TAF1A: variants seen among roughly 807,000 people sequenced by gnomAD.
TAF1A encodes TATA-box binding protein associated factor, RNA polymerase I subunit A, also known as TATA box-binding protein-associated factor RNA polymerase I subunit A.
A neutral mutation model predicts 61.6 loss-of-function variants in TAF1A; 42 were observed. That is an observed-to-expected ratio of 0.68 (90% CI 0.53 to 0.88). TAF1A has a LOEUF of 0.88. Ranked by LOEUF, TAF1A falls within the 40% of genes least tolerant of loss-of-function variation. TAF1A has a pLI of 0.00. For synonymous variants in TAF1A, 179 were observed against 177.7 expected (o/e 1.01, Z -0.06); for missense variants, 424 against 518.7 (o/e 0.82, Z 1.77).
intron 2 of TAF1A, among the ~76,000 whole-genome samples, chr1:222,585,318 G>A (rs1350331765): frequency 1.3e-5 from 2 of 151,972 alleles, no homozygotes; most frequent in Non-Finnish European, 2.9e-5. Flanking sequence ...ACTTACTTAT[G>A]TGACTAAGGT....
chr1:222,584,812 C>T (rs1660947077), intron 2 of TAF1A, among the ~76,000 whole-genome samples: 1 of 152,162 alleles, frequency 6.6e-6, no homozygotes. Flanking sequence ...AAAGTATTGG[C>T]AATCCCAATG....
chr1:222,584,317 G>C lies in TAF1A; in HGVS notation c.122-20C>G. The stretch of plus-strand genomic sequence containing the variant: ...CAATGGCTATAAAAACGAAAAAGAA[G>C]AGAGTTTTTATCCAAGTGGCTCCAG... On this transcript the variant is annotated intron_variant, in intron 2 of 10. Coordinates refer to ENST00000352967, the MANE Select transcript of TAF1A (RefSeq NM_005681.4). The C allele has an allele frequency of 6.4e-7, 1 of 1,567,472 alleles. No homozygotes were observed. The highest frequency in any genetic ancestry group is 8.6e-7 in the Non-Finnish European group (1 of 1,164,954).
At chr1:222,558,878 A>C in intron 10 of TAF1A, 106 bp from the exon 11 acceptor site, 1 of 486,472 alleles carries the variant, frequency 2.1e-6, no homozygotes, top group Non-Finnish European at 3.7e-6. Flanking sequence ...AATGATTATG[A>C]AAATAGATTT....
intron 10 of TAF1A, among the ~76,000 whole-genome samples, chr1:222,560,088 T>C (rs1316169630): frequency 6.6e-6 from 1 of 152,002 alleles, no homozygotes; most frequent in Non-Finnish European, 1.5e-5. Context: ...CAAGGAGAAA[T>C]GGGCCTGGCT....
downstream of TAF1A, among the ~76,000 whole-genome samples, chr1:222,555,349 T>C (rs1659713467): frequency 1.3e-5 from 2 of 152,190 alleles, no homozygotes; most frequent in Admixed American, 6.5e-5. Flanking sequence ...TGAATAAAGA[T>C]AGGGTTTATA....
At chr1:222,568,036 AC>A (rs1660182877) in intron 7 of TAF1A, among the ~76,000 whole-genome samples, 1 of 152,280 alleles carries the variant, frequency 6.6e-6, no homozygotes, top group Non-Finnish European at 1.5e-5. Context: ...TTCCAAATGT[AC>A]TAAATGGAGA....
At chr1:222,576,915 G>A (rs939802131) in intron 5 of TAF1A, among the ~76,000 whole-genome samples, 1 of 152,132 alleles carries the variant, frequency 6.6e-6, no homozygotes, top group African/African-American at 2.4e-5. Context: ...CTCAAACTTG[G>A]CCAATAAATA....
At chr1:222,575,599 T>C (rs570791633) in intron 5 of TAF1A, among the ~76,000 whole-genome samples, 9 of 152,276 alleles carry the variant, frequency 5.9e-5, no homozygotes, top group South Asian at 4.1e-4. Flanking sequence ...AGTCACCAAG[T>C]GCATCAATCC....
At chr1:222,571,628 C>A (rs1660355413) in intron 5 of TAF1A, among the ~76,000 whole-genome samples, 1 of 151,520 alleles carries the variant, frequency 6.6e-6, no homozygotes, top group Non-Finnish European at 1.5e-5. Flanking sequence ...ATGCCATTTG[C>A]AAAAGCATCA....
At chr1:222,585,907 A>C (rs1389229980) in intron 2 of TAF1A, among the ~76,000 whole-genome samples, 1 of 152,200 alleles carries the variant, frequency 6.6e-6, no homozygotes, top group Non-Finnish European at 1.5e-5. Flanking sequence ...ATAGTCATTT[A>C]AAAATACCAA....
intron 10 of TAF1A, 65 bp downstream of exon 10, chr1:222,561,299 C>A (rs959266762): frequency 1.5e-4 from 231 of 1,500,968 alleles, no homozygotes; most frequent in Non-Finnish European, 2.0e-4. Flanking sequence ...TAAATGAAGG[C>A]CATACTTCAT....
At chr1:222,556,089 G>C (rs1659721698), downstream of TAF1A, among the ~76,000 whole-genome samples, 1 of 152,066 alleles carries the variant, frequency 6.6e-6, no homozygotes, top group African/African-American at 2.4e-5. Flanking sequence ...AGGTGTAAGA[G>C]TACATCTGGT....
chr1:222,557,345 T>G (rs1452055310), downstream of TAF1A, among the ~76,000 whole-genome samples: 1 of 152,188 alleles, frequency 6.6e-6, no homozygotes, highest in Non-Finnish European at 1.5e-5. Flanking sequence ...GTTTTCCCCA[T>G]GGGTTTACTG....
intron 5 of TAF1A, among the ~76,000 whole-genome samples, chr1:222,576,930 A>G (rs1040807901): frequency 1.3e-5 from 2 of 152,166 alleles, no homozygotes; most frequent in Non-Finnish European, 2.9e-5. Context: ...TAAATACTTG[A>G]ACATAGTTTC....
intron 5 of TAF1A, among the ~76,000 whole-genome samples, chr1:222,575,826 G>C (rs939233820): frequency 6.6e-6 from 1 of 152,156 alleles, no homozygotes; most frequent in Non-Finnish European, 1.5e-5. Flanking sequence ...GAAAGGTACT[G>C]AACCATCTAT....
At chr1:222,574,000 T>G (rs937333682) in intron 5 of TAF1A, among the ~76,000 whole-genome samples, 31 of 138,574 alleles carry the variant, frequency 2.2e-4, no homozygotes, top group Non-Finnish European at 3.5e-4. Context: ...AAAAAAAAAA[T>G]TATGCTAAGT....
chr1:222,566,287 C>T (rs1571800971), intron 7 of TAF1A, among the ~76,000 whole-genome samples: 1 of 152,198 alleles, frequency 6.6e-6, no homozygotes, highest in East Asian at 1.9e-4. Context: ...TACCACTTCA[C>T]ACCCACTAGG....
chr1:222,575,961 GA>G (rs1660557580), intron 5 of TAF1A, among the ~76,000 whole-genome samples: 2 of 152,108 alleles, frequency 1.3e-5, no homozygotes, highest in Admixed American at 1.3e-4. Flanking sequence ...CCTAATCAAT[GA>G]GTAAGTTTTG....
intron 5 of TAF1A, 29 bp downstream of exon 5, chr1:222,577,416 T>C (rs772841565): frequency 5.0e-6 from 8 of 1,593,044 alleles, no homozygotes; most frequent in Middle Eastern, 1.7e-4. Context: ...AGTCTCATCA[T>C]AAGAAAAAGT....
Sources: allele counts gnomAD v4.1 joint callset (sites outside exome capture counted in the v4.1 genomes callset), GRCh38; gene constraint gnomAD v4.1.1; transcripts MANE v1.5; gene names NCBI Gene and HGNC (gene_info 2026-07-23, HGNC 2026-07-21).